CDH12: variants seen among roughly 807,000 people sequenced by gnomAD.
CDH12 encodes cadherin-12.
In CDH12, 41 loss-of-function variants were observed where a neutral mutation model predicts 74.1. That is an observed-to-expected ratio of 0.55 (90% CI 0.43 to 0.72). CDH12 has a LOEUF of 0.72. Among genes scored for constraint, CDH12 ranks in the 30% least tolerant of loss-of-function variants. The probability of loss-of-function intolerance (pLI) is 0.00; values close to 1 mark genes in which losing one functional copy is unlikely to be tolerated. For missense variants in CDH12, 945 were observed against 977.2 expected (o/e 0.97, Z 0.44); for synonymous variants, 399 against 355.0 (o/e 1.12, Z -1.39).
At chr5:21,799,470 A>T (rs1313883977) in intron 10 of CDH12, among the ~76,000 whole-genome samples, 1 of 152,188 alleles carries the variant, frequency 6.6e-6, no homozygotes, top group South Asian at 2.1e-4. Context: ...TTAAGGGTTG[A>T]TAGATTGATT....
chr5:22,721,204 C>T (rs1743864630), intron 1 of CDH12, among the ~76,000 whole-genome samples: 1 of 152,206 alleles, frequency 6.6e-6, no homozygotes, highest in African/African-American at 2.4e-5. Context: ...GTGCCCTGTG[C>T]CCCAGCTGCT....
intron 1 of CDH12, among the ~76,000 whole-genome samples, chr5:22,720,843 C>T (rs1743844439): frequency 6.6e-6 from 1 of 152,162 alleles, no homozygotes; most frequent in Non-Finnish European, 1.5e-5. Flanking sequence ...GCATTTTGCC[C>T]TTGCTGTAGA....
At chr5:21,933,902 T>C (rs188192632) in intron 6 of CDH12, among the ~76,000 whole-genome samples, 142 of 148,654 alleles carry the variant, frequency 9.6e-4, no homozygotes, top group African/African-American at 3.2e-3. Flanking sequence ...TGTAATCAGA[T>C]AGAAGATAAA....
chr5:21,901,793 A>G (rs1037432930), intron 6 of CDH12, among the ~76,000 whole-genome samples: 1 of 152,110 alleles, frequency 6.6e-6, no homozygotes, highest in Admixed American at 6.6e-5. Flanking sequence ...AAACAACATC[A>G]TCATCCAGCA....
chr5:22,849,396 C>T (rs1737449093), intron 1 of CDH12, among the ~76,000 whole-genome samples: 1 of 151,904 alleles, frequency 6.6e-6, no homozygotes, highest in Admixed American at 6.6e-5. Flanking sequence ...AATAATTTTC[C>T]AGGAAATTGG....
intron 6 of CDH12, among the ~76,000 whole-genome samples, chr5:21,963,118 G>T (rs1580028670): frequency 6.6e-6 from 1 of 151,656 alleles, no homozygotes; most frequent in Non-Finnish European, 1.5e-5. Flanking sequence ...TAGATAGATA[G>T]ATAGATAGAG....
At chr5:22,501,750 A>AG (rs1286570253) in intron 2 of CDH12, among the ~76,000 whole-genome samples, 15 of 151,618 alleles carry the variant, frequency 9.9e-5, no homozygotes, top group Admixed American at 4.6e-4. Flanking sequence ...GTATATTAAA[A>AG]AAAAAAAAAA....
chr5:22,101,265 G>A (rs1433772129), intron 4 of CDH12, among the ~76,000 whole-genome samples: 1 of 151,486 alleles, frequency 6.6e-6, no homozygotes. Context: ...TTAAAAATGA[G>A]GTTGATGTAA....
intron 1 of CDH12, among the ~76,000 whole-genome samples, chr5:22,548,180 C>T (rs1490823688): frequency 6.6e-6 from 1 of 152,158 alleles, no homozygotes; most frequent in Non-Finnish European, 1.5e-5. Context: ...ACTTCAGATA[C>T]ATACAAAGTG....
At chr5:21,949,730 A>T (rs190137783) in intron 6 of CDH12, among the ~76,000 whole-genome samples, 1 of 152,186 alleles carries the variant, frequency 6.6e-6, no homozygotes, top group South Asian at 2.1e-4. Context: ...TTACAAAAAA[A>T]CTTAGAGAAT....
intron 4 of CDH12, among the ~76,000 whole-genome samples, chr5:22,090,488 CAAA>C (rs57410067): frequency 2.7e-3 from 357 of 130,762 alleles, no homozygotes; most frequent in African/African-American, 8.9e-3. Context: ...TCTGTAAACT[CAAA>C]AAAAAAAAAA....
intron 10 of CDH12, among the ~76,000 whole-genome samples, chr5:21,795,442 C>A (rs1189091945): frequency 1.3e-5 from 2 of 151,808 alleles, no homozygotes; most frequent in African/African-American, 4.8e-5. Flanking sequence ...TCAAGTCATT[C>A]ATTGAACAAA....
chr5:22,853,013 A>C (rs1264202879), intron 1 of CDH12, 45 bp downstream of exon 1: 1 of 152,276 alleles, frequency 6.6e-6, no homozygotes, highest in Non-Finnish European at 1.5e-5. Flanking sequence ...CCCTGAAGCG[A>C]TCACACACAC....
chr5:22,462,482 T>C (rs1745561457), intron 2 of CDH12, among the ~76,000 whole-genome samples: 1 of 152,130 alleles, frequency 6.6e-6, no homozygotes, highest in Non-Finnish European at 1.5e-5. Flanking sequence ...AAAACTACCA[T>C]TTGACTCAGG....
intron 3 of CDH12, among the ~76,000 whole-genome samples, chr5:22,218,680 A>T (rs1016947732): frequency 6.6e-6 from 1 of 151,640 alleles, no homozygotes; most frequent in Non-Finnish European, 1.5e-5. Context: ...ATATGTGTCA[A>T]AACCCATCTA....
chr5:22,066,628 C>T (rs1580195880), intron 5 of CDH12, among the ~76,000 whole-genome samples: 2 of 152,210 alleles, frequency 1.3e-5, no homozygotes, highest in Admixed American at 6.5e-5. Context: ...ACACTGGTTC[C>T]CTGACGTGGA....
intron 1 of CDH12, among the ~76,000 whole-genome samples, chr5:22,526,048 C>T (rs773424990): frequency 4.6e-5 from 7 of 152,064 alleles, no homozygotes; most frequent in Non-Finnish European, 8.8e-5. Flanking sequence ...CTGCATAAAT[C>T]TTTCTTTCTC....
chr5:21,751,271 C>A lies in CDH12; in HGVS notation c.*466G>T, dbSNP rs966437858. On this transcript the variant is annotated 3_prime_UTR_variant, in exon 15 of 15. Transcript: ENST00000382254. ...TAAAGACGGTGTCTTTGTTTTATGTCTTTATCTCTGAATCCCGCAATACCA... is the reference window on the plus strand; with the variant it reads ...TAAAGACGGTGTCTTTGTTTTATGTATTTATCTCTGAATCCCGCAATACCA... 11 of 154,982 alleles carry A rather than the reference C, an allele frequency of 7.1e-5. No individual in the cohort carries two copies. Among genetic ancestry groups the A allele is most frequent in the African/African-American group, 2.7e-4 (11 of 41,392 alleles). The allele number at this position is 154,982 out of a possible 1,614,324, so 9.6% of individuals were successfully genotyped here.
At chr5:22,527,930 C>A (rs563428091) in intron 1 of CDH12, among the ~76,000 whole-genome samples, 1 of 152,140 alleles carries the variant, frequency 6.6e-6, no homozygotes, top group Admixed American at 6.6e-5. Context: ...TCGATAAATT[C>A]ATCCTGGTTC....
Sources: gnomAD v4.1 joint callset for allele counts (sites outside exome capture counted in the v4.1 genomes callset) on GRCh38, gnomAD v4.1.1 for gene constraint, MANE v1.5 for transcripts, NCBI Gene and HGNC (gene_info 2026-07-23, HGNC 2026-07-21) for gene names.